The following SLC25A21 variants were observed in gnomAD, a reference collection of about 807,000 sequenced individuals.
The protein encoded by SLC25A21 is mitochondrial 2-oxodicarboxylate carrier.
SLC25A21 carries 47 observed loss-of-function variants against 43.8 expected under a neutral mutation model. That is an observed-to-expected ratio of 1.07 (90% CI 0.85 to 1.37). SLC25A21 has a LOEUF of 1.37. Among genes scored for constraint, SLC25A21 ranks in the 40% most tolerant of loss-of-function variants. The pLI is 0.00. For missense variants in SLC25A21, 352 were observed against 350.2 expected (o/e 1.00, Z -0.04); for synonymous variants, 131 against 121.3 (o/e 1.08, Z -0.52).
At position 37,089,248 on chromosome 14, in the gene SLC25A21, T is replaced by C. The variant is rs556282601; in HGVS notation, c.70+83033A>G. On this transcript the variant is annotated intron_variant, in intron 1 of 9. Coordinates refer to ENST00000331299, the MANE Select transcript of SLC25A21 (RefSeq NM_030631.4). The stretch of plus-strand genomic sequence containing the variant: ...AAATTTAGGTTCATTTTTCTTATTT[T>C]AACTCTCAAAATATGTGTGTTAACA... Among the ~76,000 whole-genome samples the C allele has an allele frequency of 2.2e-3, 333 of 152,284 alleles. 1 individual carries two copies. Among genetic ancestry groups the C allele is most frequent in the Non-Finnish European group, 3.8e-3 (256 of 68,026 alleles).
intron 1 of SLC25A21, among the ~76,000 whole-genome samples, chr14:37,087,136 C>A (rs1962500949): frequency 6.6e-6 from 1 of 152,116 alleles, no homozygotes; most frequent in Non-Finnish European, 1.5e-5. Flanking sequence ...TTTTTAATGG[C>A]CCTTTTGATG....
intron 1 of SLC25A21, among the ~76,000 whole-genome samples, chr14:36,969,823 G>A (rs1201532352): frequency 1.3e-5 from 2 of 151,904 alleles, no homozygotes; most frequent in Non-Finnish European, 2.9e-5. Context: ...AATTCTTCCA[G>A]CCCAAGCAGG....
At chr14:36,952,516 A>G (rs957794275) in intron 1 of SLC25A21, 6 of 152,042 alleles carry the variant, frequency 3.9e-5, no homozygotes, top group Non-Finnish European at 1.5e-5. Context: ...TAATTTTATT[A>G]CTATACTATC....
At chr14:37,038,459 C>G (rs1228421371) in intron 1 of SLC25A21, among the ~76,000 whole-genome samples, 2 of 152,148 alleles carry the variant, frequency 1.3e-5, no homozygotes, top group African/African-American at 4.8e-5. Flanking sequence ...CAAATAAAAA[C>G]AGCAAAATGT....
chr14:36,852,454 T>A (rs954481046), intron 2 of SLC25A21, among the ~76,000 whole-genome samples: 1 of 152,230 alleles, frequency 6.6e-6, no homozygotes, highest in African/African-American at 2.4e-5. Flanking sequence ...CATATTAAAA[T>A]GTCAATGGAA....
chr14:37,092,208 A>G (rs1962600053), intron 1 of SLC25A21, among the ~76,000 whole-genome samples: 2 of 152,172 alleles, frequency 1.3e-5, no homozygotes, highest in Admixed American at 1.3e-4. Flanking sequence ...GTAGGGAGCC[A>G]CAGAATTCCT....
At chr14:36,693,594 T>C (rs1326190277) in intron 7 of SLC25A21, among the ~76,000 whole-genome samples, 3 of 152,232 alleles carry the variant, frequency 2.0e-5, no homozygotes, top group Non-Finnish European at 4.4e-5. Context: ...TTTTAACTGA[T>C]CATAAAGATT....
intron 1 of SLC25A21, among the ~76,000 whole-genome samples, chr14:37,028,356 ACTT>A (rs1354033713): frequency 2.0e-5 from 3 of 152,110 alleles, no homozygotes; most frequent in Non-Finnish European, 2.9e-5. Context: ...TTCAAATTCT[ACTT>A]CTTATTTGCT....
intron 7 of SLC25A21, among the ~76,000 whole-genome samples, chr14:36,702,631 T>C (rs963846711): frequency 2.6e-5 from 4 of 152,190 alleles, no homozygotes; most frequent in South Asian, 2.1e-4. Context: ...CTTAGCACAA[T>C]TGGAATGATT....
chr14:36,857,336 G>A (rs926095349), intron 2 of SLC25A21, among the ~76,000 whole-genome samples: 8 of 152,152 alleles, frequency 5.3e-5, no homozygotes, highest in Non-Finnish European at 1.0e-4. Flanking sequence ...AGCACTGCGG[G>A]AGTCTCTATT....
At chr14:36,688,565 G>C (rs1882652761) in intron 7 of SLC25A21, among the ~76,000 whole-genome samples, 1 of 152,334 alleles carries the variant, frequency 6.6e-6, no homozygotes, top group East Asian at 1.9e-4. Context: ...GCAGCATCAG[G>C]ACGGCTGCCT....
chr14:36,997,819 C>T (rs375407136), intron 1 of SLC25A21, among the ~76,000 whole-genome samples: 1 of 119,646 alleles, frequency 8.4e-6, no homozygotes, highest in Non-Finnish European at 1.8e-5. Flanking sequence ...GACTCTGTCT[C>T]AAAAAAAAAA....
intron 1 of SLC25A21, among the ~76,000 whole-genome samples, chr14:36,938,137 C>T (rs777644869): frequency 6.6e-6 from 1 of 152,094 alleles, no homozygotes; most frequent in Non-Finnish European, 1.5e-5. Context: ...CAAACATACT[C>T]CCTGAACGCA....
At chr14:36,818,995 A>T (rs1327999574) in intron 2 of SLC25A21, among the ~76,000 whole-genome samples, 1 of 152,234 alleles carries the variant, frequency 6.6e-6, no homozygotes, top group Non-Finnish European at 1.5e-5. Context: ...TCCTAATAAA[A>T]GCAGCTTAAA....
chr14:37,000,520 G>A (rs1056856340), intron 1 of SLC25A21, among the ~76,000 whole-genome samples: 1 of 152,034 alleles, frequency 6.6e-6, no homozygotes, highest in Non-Finnish European at 1.5e-5. Flanking sequence ...ATTGCCACCT[G>A]CACTCCAAGG....
intron 1 of SLC25A21, among the ~76,000 whole-genome samples, chr14:37,110,844 A>G (rs1963006213): frequency 6.6e-6 from 1 of 152,188 alleles, no homozygotes. Context: ...TTGGTTTTGA[A>G]GAGACTATAA....
chr14:37,157,927 T>C (rs1360329694), intron 1 of SLC25A21, among the ~76,000 whole-genome samples: 2 of 152,022 alleles, frequency 1.3e-5, no homozygotes, highest in Non-Finnish European at 2.9e-5. Flanking sequence ...ACAACAGAAA[T>C]ATCAAAGATC....
chr14:36,958,678 T>C (rs1306272686), intron 1 of SLC25A21, among the ~76,000 whole-genome samples: 4 of 107,660 alleles, frequency 3.7e-5, no homozygotes, highest in African/African-American at 8.3e-5. Context: ...TAAGCACACG[T>C]GCACACACAC....
At chr14:36,683,956 G>A in intron 8 of SLC25A21, 76 bp from the exon 9 acceptor site, 2 of 1,092,438 alleles carry the variant, frequency 1.8e-6, no homozygotes, top group East Asian at 2.4e-5. Context: ...ATTGAGATAG[G>A]GACCCAGCAT....
Sources: gnomAD v4.1 joint callset for allele counts (sites outside exome capture counted in the v4.1 genomes callset) on GRCh38, gnomAD v4.1.1 for gene constraint, MANE v1.5 for transcripts, NCBI Gene and HGNC (gene_info 2026-07-23, HGNC 2026-07-21) for gene names.